The following KCNIP4 variants were observed in gnomAD, a reference collection of about 807,000 sequenced individuals.
KCNIP4 encodes the protein Kv channel-interacting protein 4.
Under a neutral mutation model 34.0 loss-of-function variants are expected in KCNIP4, and 12 were observed. The observed-to-expected ratio is 0.35, with a 90% CI of 0.23 to 0.57. KCNIP4 has a LOEUF of 0.57. Ranked by LOEUF, KCNIP4 falls within the 20% of genes least tolerant of loss-of-function variation. The pLI, the probability that KCNIP4 is intolerant of heterozygous loss-of-function variation, is 0.83. For missense variants in KCNIP4, 238 were observed against 311.7 expected (o/e 0.76, Z 1.78); for synonymous variants, 124 against 102.2 (o/e 1.21, Z -1.29).
intron 1 of KCNIP4, among the ~76,000 whole-genome samples, chr4:21,559,200 C>T (rs985421175): frequency 1.2e-4 from 18 of 152,082 alleles, no homozygotes; most frequent in African/African-American, 4.3e-4. Context: ...GTAAGTACCA[C>T]ATAATCATCA....
chr4:21,600,900 C>T (rs938575477), intron 1 of KCNIP4, among the ~76,000 whole-genome samples: 6 of 151,970 alleles, frequency 3.9e-5, no homozygotes, highest in African/African-American at 7.2e-5. Flanking sequence ...ATAGACATCT[C>T]CTCTTGCAAA....
At chr4:21,323,637 T>C (rs932287368) in intron 1 of KCNIP4, among the ~76,000 whole-genome samples, 7 of 152,134 alleles carry the variant, frequency 4.6e-5, no homozygotes, top group Admixed American at 1.3e-4. Flanking sequence ...TGTGTTAATG[T>C]ACTACATTTC....
chr4:21,873,789 A>G (rs1412756310), intron 1 of KCNIP4, among the ~76,000 whole-genome samples: 2 of 152,230 alleles, frequency 1.3e-5, no homozygotes, highest in Non-Finnish European at 2.9e-5. Flanking sequence ...TCAAATAAAT[A>G]GGTCTTGTAG....
chr4:21,487,805 G>A (rs891214888), intron 1 of KCNIP4, among the ~76,000 whole-genome samples: 59 of 152,148 alleles, frequency 3.9e-4, no homozygotes, highest in Non-Finnish European at 7.5e-4. Flanking sequence ...TTGGTAGTTA[G>A]GAGCTCGTTC....
At chr4:21,338,339 T>C (rs1716392862) in intron 1 of KCNIP4, among the ~76,000 whole-genome samples, 1 of 150,346 alleles carries the variant, frequency 6.7e-6, no homozygotes. Context: ...CTTACTTAAG[T>C]CCCACTGGCT....
chr4:21,765,420 G>T (rs184674731), intron 1 of KCNIP4, among the ~76,000 whole-genome samples: 13 of 151,996 alleles, frequency 8.6e-5, no homozygotes, highest in Non-Finnish European at 1.8e-4. Flanking sequence ...AACTGTGTGC[G>T]CATGTGTCCA....
At chr4:21,451,023 C>A (rs914544696) in intron 1 of KCNIP4, among the ~76,000 whole-genome samples, 1 of 151,814 alleles carries the variant, frequency 6.6e-6, no homozygotes, top group Non-Finnish European at 1.5e-5. Flanking sequence ...AAACACAGAG[C>A]AAAAACGACA....
intron 1 of KCNIP4, among the ~76,000 whole-genome samples, chr4:21,132,987 T>C (rs1386381637): frequency 6.7e-6 from 1 of 150,156 alleles, no homozygotes; most frequent in African/African-American, 2.5e-5. Context: ...CACCCCAGCC[T>C]GGGCAACAGA....
At chr4:21,210,537 A>C (rs1016988587) in intron 1 of KCNIP4, among the ~76,000 whole-genome samples, 3 of 152,248 alleles carry the variant, frequency 2.0e-5, no homozygotes, top group African/African-American at 7.2e-5. Context: ...TTATTTAAAA[A>C]ATCTTATAGC....
chr4:20,995,964 G>T (rs1737515434), intron 1 of KCNIP4, among the ~76,000 whole-genome samples: 1 of 152,200 alleles, frequency 6.6e-6, no homozygotes, highest in Admixed American at 6.5e-5. Flanking sequence ...GATTTCAGGG[G>T]CAGGAGAGGA....
intron 1 of KCNIP4, among the ~76,000 whole-genome samples, chr4:21,321,983 G>A (rs1714517472): frequency 7.2e-6 from 1 of 138,338 alleles, no homozygotes; most frequent in Admixed American, 7.3e-5. Flanking sequence ...ATGGTGGAAG[G>A]GAAGGAAGAG....
At chr4:21,594,385 C>A (rs1236393361) in intron 1 of KCNIP4, among the ~76,000 whole-genome samples, 1 of 152,078 alleles carries the variant, frequency 6.6e-6, no homozygotes, top group Non-Finnish European at 1.5e-5. Flanking sequence ...ATAGTTATGA[C>A]CAAAGGTTTT....
At chr4:21,213,798 G>A (rs886887448) in intron 1 of KCNIP4, among the ~76,000 whole-genome samples, 8 of 152,124 alleles carry the variant, frequency 5.3e-5, no homozygotes, top group African/African-American at 7.2e-5. Flanking sequence ...CACACACAAC[G>A]TTCTACCATC....
intron 1 of KCNIP4, among the ~76,000 whole-genome samples, chr4:21,147,939 C>CAAAAAAAAAAAAAA (rs377562727): frequency 1.5e-3 from 45 of 30,974 alleles, no homozygotes; most frequent in Non-Finnish European, 2.1e-3. Flanking sequence ...AACTCCGTCT[C>CAAAAAAAAAAAAAA]AAAAAAAAAA....
rs1714690870 is a variant in KCNIP4, at chr4:21,720,037, G to GAGAATA, written c.61+228533_61+228534insTATTCT. Among the ~76,000 whole-genome samples the GAGAATA allele has an allele frequency of 1.5e-5, 2 of 133,988 alleles. 1 individual carries two copies. The highest frequency in any genetic ancestry group is 4.6e-4 in the East Asian group (2 of 4,382). The allele number at this position is 133,988 out of a possible 152,430, so 87.9% of individuals were successfully genotyped here. ...GAAGAAGGAGAAGGAGAAGGAGAAG[G>GAGAATA]AGAAGGAGAAGAGGAAAAAGAAGAA... On this transcript the variant is annotated intron_variant, in intron 1 of 8. Coordinates refer to ENST00000382152, the MANE Select transcript of KCNIP4 (RefSeq NM_025221.6).
intron 1 of KCNIP4, among the ~76,000 whole-genome samples, chr4:21,390,088 C>T (rs1392922573): frequency 1.3e-5 from 2 of 151,586 alleles, no homozygotes; most frequent in Admixed American, 1.3e-4. Context: ...CTGTTGGCTG[C>T]ATAAATATCT....
At chr4:20,768,763 C>T (rs1755623836) in intron 3 of KCNIP4, among the ~76,000 whole-genome samples, 1 of 152,144 alleles carries the variant, frequency 6.6e-6, no homozygotes. Flanking sequence ...CCAAAATCTG[C>T]ATTAACTGCC....
At chr4:20,744,916 G>A (rs1752087535) in intron 5 of KCNIP4, among the ~76,000 whole-genome samples, 1 of 152,148 alleles carries the variant, frequency 6.6e-6, no homozygotes, top group South Asian at 2.1e-4. Flanking sequence ...TCTGAGTCTA[G>A]TGATAGAGCC....
rs148291338 is a variant in KCNIP4, at chr4:21,099,816, G to A, written c.62-217107C>T. 3.3e-5 allele frequency among the ~76,000 whole-genome samples: 5 copies of A among 152,262 alleles called. No homozygotes were observed. The East Asian group carries it at 9.7e-4, about 29-fold the overall frequency. On this transcript the variant is annotated intron_variant, in intron 1 of 8. Coordinates refer to ENST00000382152, the MANE Select transcript of KCNIP4 (RefSeq NM_025221.6). ...TAACACTAATTGGAGTTTGGAAGAT[G>A]TTGATTCCAACCCTTGTGAATGACT...
Sources: gnomAD v4.1 joint callset for allele counts (sites outside exome capture counted in the v4.1 genomes callset) on GRCh38, gnomAD v4.1.1 for gene constraint, MANE v1.5 for transcripts, NCBI Gene and HGNC (gene_info 2026-07-23, HGNC 2026-07-21) for gene names.